The following SUMF1 variants were observed in gnomAD, a reference collection of about 807,000 sequenced individuals.
SUMF1 encodes sulfatase modifying factor 1, also known as formylglycine-generating enzyme.
Under a neutral mutation model 47.6 loss-of-function variants are expected in SUMF1, and 48 were observed. That is an observed-to-expected ratio of 1.01 (90% CI 0.80 to 1.28). The LOEUF (loss-of-function observed/expected upper bound fraction) is 1.28, where lower values mean the gene tolerates loss of function less well. Ranked by LOEUF, SUMF1 falls within the 50% of genes most tolerant of loss-of-function variation. The probability of loss-of-function intolerance (pLI) is 0.00; values close to 1 mark genes in which losing one functional copy is unlikely to be tolerated. For missense variants in SUMF1, 571 were observed against 485.4 expected, an observed-to-expected ratio of 1.18 and a Z score of -1.66; for synonymous variants, 230 against 192.1, an observed-to-expected ratio of 1.20 and a Z score of -1.63.
intron 8 of SUMF1, among the ~76,000 whole-genome samples, chr3:4,243,478 T>A (rs1696591460): frequency 6.6e-6 from 1 of 152,232 alleles, no homozygotes; most frequent in East Asian, 1.9e-4. Context: ...TTCTCATTGG[T>A]TTCAAAGAAC....
chr3:4,239,677 T>C (rs145646853), intron 8 of SUMF1, among the ~76,000 whole-genome samples: 16 of 152,226 alleles, frequency 1.1e-4, no homozygotes, highest in African/African-American at 3.9e-4. Flanking sequence ...TGGGCTGAGA[T>C]GATGGGGTTT....
At chr3:4,330,142 A>G (rs946324129) in intron 8 of SUMF1, among the ~76,000 whole-genome samples, 13 of 152,216 alleles carry the variant, frequency 8.5e-5, no homozygotes, top group Non-Finnish European at 1.9e-4. Flanking sequence ...GGTCAAAGCC[A>G]TTCAACAAGT....
chr3:4,278,350 G>A (rs1156440023), intron 8 of SUMF1, among the ~76,000 whole-genome samples: 6 of 151,954 alleles, frequency 3.9e-5, no homozygotes. Flanking sequence ...TCAAATCATA[G>A]GACATGCATT....
intron 1 of SUMF1, among the ~76,000 whole-genome samples, chr3:4,459,960 A>G (rs1047360336): frequency 1.3e-5 from 2 of 152,238 alleles, no homozygotes; most frequent in African/African-American, 2.4e-5. Context: ...ATGTCCATCA[A>G]TAGCAGGCTC....
intron 8 of SUMF1, among the ~76,000 whole-genome samples, chr3:4,271,768 C>T (rs933993552): frequency 3.3e-5 from 5 of 152,144 alleles, no homozygotes; most frequent in Non-Finnish European, 5.9e-5. Flanking sequence ...TCCCAAAGTG[C>T]TGGGATTACA....
chr3:4,294,858 G>A (rs986390088), intron 8 of SUMF1, among the ~76,000 whole-genome samples: 1 of 149,284 alleles, frequency 6.7e-6, no homozygotes, highest in African/African-American at 2.5e-5. Context: ...GACACTGAGC[G>A]AGGTCTTTTT....
At chr3:4,159,488 TTA>T (rs143575648) in intron 8 of SUMF1, among the ~76,000 whole-genome samples, 5,287 of 151,912 alleles carry the variant, frequency 0.035, 499 homozygotes, top group African/African-American at 0.12. Context: ...TTTTTTCTAT[TTA>T]TATCTTACTG....
chr3:4,165,553 G>T (rs1465208255), intron 8 of SUMF1, among the ~76,000 whole-genome samples: 1 of 152,020 alleles, frequency 6.6e-6, no homozygotes, highest in Admixed American at 6.6e-5. Flanking sequence ...CATAGTTGTG[G>T]ATTATCTTTC....
chr3:4,420,002 G>A, intron 4 of SUMF1, 62 bp downstream of exon 4: 1 of 1,404,154 alleles, frequency 7.1e-7, no homozygotes, highest in Non-Finnish European at 1.0e-6. Flanking sequence ...TCTTTTGCAA[G>A]AGCAAAGGGT....
chr3:4,376,195 CT>C (rs1559256775), intron 8 of SUMF1, 134 bp downstream of exon 8: 5 of 1,091,338 alleles, frequency 4.6e-6, no homozygotes, highest in Non-Finnish European at 7.1e-6. Flanking sequence ...GACTGTCCTC[CT>C]TTTTTTCTGG....
intron 8 of SUMF1, among the ~76,000 whole-genome samples, chr3:4,142,999 A>C (rs1468007704): frequency 6.6e-6 from 1 of 152,072 alleles, no homozygotes; most frequent in Non-Finnish European, 1.5e-5. Flanking sequence ...TCCAAGACAA[A>C]GAATACTCTG....
intron 8 of SUMF1, among the ~76,000 whole-genome samples, chr3:4,331,076 C>A (rs1699042286): frequency 6.6e-6 from 1 of 152,150 alleles, no homozygotes; most frequent in African/African-American, 2.4e-5. Context: ...CAATTCCTTT[C>A]ACAAGGTCAG....
chr3:4,079,411 T>C lies in SUMF1; in HGVS notation c.1015-10666A>G, dbSNP rs149791733. On this transcript the variant is annotated intron_variant and NMD_transcript_variant, in intron 8 of 12. Coordinates refer to the SUMF1 transcript ENST00000448413. Reference sequence around the variant, plus strand: ...GAAGGGTTTTGATACCATTTGGAGTTTACTGAAATAAGGTACATGCCTGAC... The same window carrying C: ...GAAGGGTTTTGATACCATTTGGAGTCTACTGAAATAAGGTACATGCCTGAC... 1.2e-4 allele frequency among the ~76,000 whole-genome samples: 18 copies of C among 152,020 alleles called. No individual in the cohort carries two copies. In the East Asian group the frequency reaches 2.9e-3, roughly 25 times the overall value.
At chr3:4,186,533 A>G (rs1253003084) in intron 8 of SUMF1, among the ~76,000 whole-genome samples, 1 of 152,110 alleles carries the variant, frequency 6.6e-6, no homozygotes, top group Non-Finnish European at 1.5e-5. Flanking sequence ...GTCAATAAGT[A>G]TATGGCCTAG....
At chr3:4,259,942 A>C (rs1697049413) in intron 8 of SUMF1, among the ~76,000 whole-genome samples, 1 of 152,088 alleles carries the variant, frequency 6.6e-6, no homozygotes. Context: ...GAATGCTCAG[A>C]GGAGAAGTTA....
At chr3:4,113,174 G>A (rs1309830381) in intron 8 of SUMF1, among the ~76,000 whole-genome samples, 1 of 152,048 alleles carries the variant, frequency 6.6e-6, no homozygotes. Flanking sequence ...CCATCACCTA[G>A]AATATTTATC....
intron 9 of SUMF1, among the ~76,000 whole-genome samples, chr3:4,038,448 A>G (rs1032799803): frequency 6.6e-6 from 1 of 152,162 alleles, no homozygotes; most frequent in Non-Finnish European, 1.5e-5. Flanking sequence ...TAGCAGGGAT[A>G]GTACCACTAC....
At chr3:4,223,685 A>C (rs1402750565) in intron 8 of SUMF1, among the ~76,000 whole-genome samples, 1 of 152,066 alleles carries the variant, frequency 6.6e-6, no homozygotes, top group East Asian at 1.9e-4. Flanking sequence ...TCACCCTCCA[A>C]AATTATCCCT....
chr3:4,099,649 T>C (rs540877204), intron 8 of SUMF1, among the ~76,000 whole-genome samples: 2 of 152,092 alleles, frequency 1.3e-5, no homozygotes, highest in East Asian at 3.9e-4. Flanking sequence ...TGTATCCAAA[T>C]AGGAAAATAT....
Sources: allele counts gnomAD v4.1 joint callset (sites outside exome capture counted in the v4.1 genomes callset), GRCh38; gene constraint gnomAD v4.1.1; transcripts MANE v1.5; gene names NCBI Gene and HGNC (gene_info 2026-07-23, HGNC 2026-07-21).